Variants in TCAF2 observed in about 807,000 individuals in gnomAD.
TCAF2 encodes TRPM8 channel associated factor 2, also known as TRPM8 channel-associated factor 2.
Under a neutral mutation model 33.9 loss-of-function variants are expected in TCAF2, and 6 were observed. That is an observed-to-expected ratio of 0.18 (90% CI 0.10 to 0.35). TCAF2 has a LOEUF of 0.35. Among genes scored for constraint, TCAF2 ranks in the 10% least tolerant of loss-of-function variants. The probability of loss-of-function intolerance (pLI) is 1.00; values close to 1 mark genes in which losing one functional copy is unlikely to be tolerated. For missense variants in TCAF2, 109 were observed against 604.0 expected (o/e 0.18, Z 8.59); for synonymous variants, 41 against 247.8 (o/e 0.17, Z 7.84).
At position 143,730,369 on chromosome 7, in the gene TCAF2, C is replaced by G. The variant is rs948558714; in HGVS notation, c.*2702C>G. The G allele has an allele frequency of 2.0e-5, 3 of 152,204 alleles. No individual in the cohort carries two copies. Among genetic ancestry groups the G allele is most frequent in the Admixed American group, 1.3e-4 (2 of 15,294 alleles). 9.4% of individuals were successfully genotyped at this position (152,204 alleles called of 1,614,324 possible). ...TTCCCTAATGACCAGTAATGATGAG[C>G]TTTTTTTCATGTTTATTGGCCACAT... is the stretch of plus-strand genomic sequence containing the variant. On this transcript the variant is annotated 3_prime_UTR_variant, in exon 8 of 8. Transcript: ENST00000684770.
At chr7:143,718,549 A>C (rs1276564602) in intron 2 of TCAF2, among the ~76,000 whole-genome samples, 1 of 151,696 alleles carries the variant, frequency 6.6e-6, no homozygotes, top group Non-Finnish European at 1.5e-5. Context: ...TCTATTGTTA[A>C]CCATAATTTA....
chr7:143,725,431 G>C (rs1433921809), intron 7 of TCAF2, among the ~76,000 whole-genome samples: 1 of 151,916 alleles, frequency 6.6e-6, no homozygotes, highest in Non-Finnish European at 1.5e-5. Flanking sequence ...CAGCTCTATG[G>C]ATAGGAGCTG....
At chr7:143,645,749 T>G (rs1178573635) in intron 1 of TCAF2, 2 of 48,842 alleles carry the variant, frequency 4.1e-5, no homozygotes, top group African/African-American at 1.8e-4. Flanking sequence ...GAGCTTCTCT[T>G]GCTTGATAAC....
intron 7 of TCAF2, among the ~76,000 whole-genome samples, chr7:143,725,503 G>T (rs1302437544): frequency 6.6e-6 from 1 of 151,634 alleles, no homozygotes. Context: ...CTCTCCAGTA[G>T]CCCCCATTTA....
At position 143,728,671 on chromosome 7, in the gene TCAF2, C is replaced by A. The variant is rs1809740223; in HGVS notation, c.*1004C>A. 6.6e-6 allele frequency: 1 copy of A among 152,294 alleles called. No individual in the cohort carries two copies. The highest frequency in any genetic ancestry group is 2.1e-4 in the South Asian group (1 of 4,826). The allele number at this position is 152,294 out of a possible 1,614,324, so 9.4% of individuals were successfully genotyped here. ...GCACTGTCAAGTGGTGGGGGGTCCA[C>A]AGGCACAGTGGGCTTCACTCTGGAA... On this transcript the variant is annotated 3_prime_UTR_variant, in exon 8 of 8. Transcript: ENST00000684770.
intron 3 of TCAF2, 194 bp downstream of exon 3, chr7:143,720,868 C>T (rs1447839509): frequency 1.4e-6 from 1 of 716,646 alleles, no homozygotes; most frequent in Admixed American, 3.7e-5. Flanking sequence ...CAACCTCCAC[C>T]TCCTGGGTTT....
rs771572993 is a variant in TCAF2, at chr7:143,730,132, A to G, written c.*2465A>G. 2 of 152,130 alleles carry G rather than the reference A, an allele frequency of 1.3e-5. No individual in the cohort carries two copies. Among genetic ancestry groups the G allele is most frequent in the Non-Finnish European group, 1.5e-5 (1 of 68,044 alleles). 9.4% of individuals were successfully genotyped at this position (152,130 alleles called of 1,614,324 possible). A position where few individuals can be genotyped will look rare whatever the true frequency, so the allele number is the denominator to read the frequency against. On this transcript the variant is annotated 3_prime_UTR_variant, in exon 8 of 8. Transcript: ENST00000684770. ...CTTTGGGTGTATATCCAGTAATGGG[A>G]TTGCTGGGTCAAATGGTATTTCTGG...
intron 2 of TCAF2, among the ~76,000 whole-genome samples, 181 bp from the exon 3 acceptor site, chr7:143,719,502 G>A (rs539966467): frequency 6.7e-6 from 1 of 149,900 alleles, no homozygotes; most frequent in African/African-American, 2.5e-5. Flanking sequence ...GAAAAAATAT[G>A]CCTTAAACAT....
At chr7:143,718,585 A>G (rs921835536) in intron 2 of TCAF2, among the ~76,000 whole-genome samples, 5 of 149,740 alleles carry the variant, frequency 3.3e-5, no homozygotes, top group Non-Finnish European at 7.4e-5. Context: ...ATTGCTTGAC[A>G]TTTACAGTAT....
In TCAF2 at chr7:143,728,759, G is replaced by T. The variant is rs1356667013; in HGVS notation, c.*1092G>T. 6.6e-6 allele frequency: 1 copy of T among 152,196 alleles called. No homozygotes were observed. The highest frequency in any genetic ancestry group is 2.4e-5 in the African/African-American group (1 of 41,428). 9.4% of individuals were successfully genotyped at this position (152,196 alleles called of 1,614,324 possible). A position where few individuals can be genotyped will look rare whatever the true frequency, so the allele number is the denominator to read the frequency against. ...ATCAACCCACACCCCAGCATCCCCT[G>T]AGCTTTCTCTTAATCTCATTCTAGC... On this transcript the variant is annotated 3_prime_UTR_variant, in exon 8 of 8. Transcript: ENST00000684770.
chr7:143,634,880 C>A (rs1586671544), intron 1 of TCAF2, among the ~76,000 whole-genome samples: 1 of 136,112 alleles, frequency 7.3e-6, no homozygotes, highest in East Asian at 2.1e-4. Flanking sequence ...TATGATTTAT[C>A]TGTATTTAAG....
rs894429649 is a variant in TCAF2 at position 143,729,633 on chromosome 7, G to A, written c.*1966G>A. 1 of 151,262 alleles carries A rather than the reference G, an allele frequency of 6.6e-6. No homozygotes were observed. Among genetic ancestry groups the A allele is most frequent in the Non-Finnish European group, 1.5e-5 (1 of 67,902 alleles). 9.4% of individuals were successfully genotyped at this position (151,262 alleles called of 1,614,324 possible). On this transcript the variant is annotated 3_prime_UTR_variant, in exon 8 of 8. Coordinates refer to ENST00000684770, the MANE Select transcript of TCAF2 (RefSeq NM_001363538.2). The stretch of plus-strand genomic sequence containing the variant: ...TTTTCATTTAAGTTCTGGGATACAT[G>A]TGCAGAACGTGCAGGTTTGTTACAT...
At position 143,729,250 on chromosome 7, in the gene TCAF2, C is replaced by T. The variant is rs1471185379; in HGVS notation, c.*1583C>T. ...CATTTCGTACATGAGGAAACTGACA[C>T]TAAGGGACATAAAATAAGTTTTTTG... On this transcript the variant is annotated 3_prime_UTR_variant, in exon 8 of 8. Coordinates refer to ENST00000684770, the MANE Select transcript of TCAF2 (RefSeq NM_001363538.2). 1 of 152,028 alleles carries T rather than the reference C, an allele frequency of 6.6e-6. No individual in the cohort carries two copies. Among genetic ancestry groups the T allele is most frequent in the African/African-American group, 2.4e-5 (1 of 41,386 alleles). The allele number at this position is 152,028 out of a possible 1,614,324, so 9.4% of individuals were successfully genotyped here. A position where few individuals can be genotyped will look rare whatever the true frequency, so the allele number is the denominator to read the frequency against.
chr7:143,647,868 T>A (rs185515554), intron 1 of TCAF2, among the ~76,000 whole-genome samples: 1 of 145,046 alleles, frequency 6.9e-6, no homozygotes, highest in South Asian at 2.2e-4. Flanking sequence ...CATATTATCA[T>A]TTAATTGGCA....
chr7:143,621,019 G>A lies in TCAF2; in HGVS notation c.-13G>A, dbSNP rs2116463889. The stretch of plus-strand genomic sequence containing the variant: ...GTCCCTAGGTATCCGCACTGCTCAG[G>A]GGTGAGTTTTCCAATCCCAGCGGGT... On this transcript the variant is annotated splice_region_variant and 5_prime_UTR_variant, in exon 1 of 8. Transcript: ENST00000684770. 9.9e-6 allele frequency: 2 copies of A among 201,042 alleles called. 1 individual carries two copies. Among genetic ancestry groups the A allele is most frequent in the Admixed American group, 1.2e-4 (2 of 16,726 alleles). 12.5% of individuals were successfully genotyped at this position (201,042 alleles called of 1,614,324 possible). A position where few individuals can be genotyped will look rare whatever the true frequency, so the allele number is the denominator to read the frequency against.
At chr7:143,647,856 G>T (rs1809088250) in intron 1 of TCAF2, among the ~76,000 whole-genome samples, 1 of 143,206 alleles carries the variant, frequency 7.0e-6, no homozygotes, top group Admixed American at 7.3e-5. Context: ...TACAACTGAT[G>T]GCATATTATC....
At chr7:143,701,813 T>TTTA (rs2116493742) in intron 1 of TCAF2, among the ~76,000 whole-genome samples, 1 of 121,862 alleles carries the variant, frequency 8.2e-6, no homozygotes, top group South Asian at 2.4e-4. Flanking sequence ...TTTATTTTAT[T>TTTA]TTATTTTATT....
chr7:143,729,412 C>A lies in TCAF2; in HGVS notation c.*1745C>A, dbSNP rs1809760035. 6.6e-6 allele frequency: 1 copy of A among 152,108 alleles called. No homozygotes were observed. The highest frequency in any genetic ancestry group is 2.1e-4 in the South Asian group (1 of 4,812). 9.4% of individuals were successfully genotyped at this position (152,108 alleles called of 1,614,324 possible). ...CCTAGAAAATAGATGAAAATATGTT[C>A]AACCAGGTCTGGATTTTTCCAATGT... On this transcript the variant is annotated 3_prime_UTR_variant, in exon 8 of 8. Coordinates refer to ENST00000684770, the MANE Select transcript of TCAF2 (RefSeq NM_001363538.2).
At chr7:143,712,390 T>G (rs112356902) in intron 2 of TCAF2, among the ~76,000 whole-genome samples, 10,954 of 91,186 alleles carry the variant, frequency 0.12, 2,682 homozygotes, top group African/African-American at 0.25. Context: ...ATATGTAACT[T>G]GGCATGCTGA....
Sources: allele counts gnomAD v4.1 joint callset (sites outside exome capture counted in the v4.1 genomes callset), GRCh38; gene constraint gnomAD v4.1.1; transcripts MANE v1.5; gene names NCBI Gene and HGNC (gene_info 2026-07-23, HGNC 2026-07-21).